Variants in EVC2 observed in about 807,000 individuals in gnomAD.
EVC2 encodes the protein EvC ciliary complex subunit 2, also known as limbin.
In EVC2, 148 loss-of-function variants were observed where a neutral mutation model predicts 149.3. That is an observed-to-expected ratio of 0.99 (90% confidence interval 0.87 to 1.14). The LOEUF is 1.14. Among genes scored for constraint, EVC2 ranks in the 50% most tolerant of loss-of-function variants. The probability of loss-of-function intolerance (pLI) is 0.00; values close to 1 mark genes in which losing one functional copy is unlikely to be tolerated. For missense variants in EVC2, 1,854 were observed against 1,627.3 expected (o/e 1.14, Z -2.40); for synonymous variants, 776 against 649.9 (o/e 1.19, Z -2.95).
chr4:5,652,233 C>A (rs889200337), intron 9 of EVC2, among the ~76,000 whole-genome samples: 6 of 152,044 alleles, frequency 3.9e-5, no homozygotes, highest in African/African-American at 1.2e-4. Flanking sequence ...GTGGAGAGCT[C>A]CAGGAGGGAG....
chr4:5,649,973 A>G (rs1717995132), intron 9 of EVC2, among the ~76,000 whole-genome samples: 1 of 152,218 alleles, frequency 6.6e-6, no homozygotes, highest in South Asian at 2.1e-4. Flanking sequence ...CACCTACATG[A>G]GCAAAACACC....
intron 10 of EVC2, among the ~76,000 whole-genome samples, chr4:5,634,524 C>T (rs1472377419): frequency 6.6e-6 from 1 of 152,160 alleles, no homozygotes; most frequent in African/African-American, 2.4e-5. Flanking sequence ...AAAAAGCAGA[C>T]ACACACACAA....
intron 5 of EVC2, among the ~76,000 whole-genome samples, chr4:5,687,666 G>C (rs1720817667): frequency 6.6e-6 from 1 of 152,188 alleles, no homozygotes; most frequent in African/African-American, 2.4e-5. Context: ...TATATTCAGA[G>C]TTGGGGAGAG....
chr4:5,624,819 T>G (rs550401412), intron 13 of EVC2, among the ~76,000 whole-genome samples: 1 of 152,254 alleles, frequency 6.6e-6, no homozygotes, highest in South Asian at 2.1e-4. Context: ...AACTTGGTAG[T>G]AAAGAGCAGA....
At chr4:5,624,589 C>G (rs1263505986) in intron 13 of EVC2, among the ~76,000 whole-genome samples, 2 of 152,216 alleles carry the variant, frequency 1.3e-5, no homozygotes, top group Non-Finnish European at 2.9e-5. Context: ...ATAATATTCA[C>G]AGAAGACTGC....
intron 1 of EVC2, among the ~76,000 whole-genome samples, chr4:5,705,211 A>G (rs1247862009): frequency 6.6e-6 from 1 of 152,230 alleles, no homozygotes; most frequent in Non-Finnish European, 1.5e-5. Context: ...ACGAAATGAT[A>G]CTATTAGCAT....
intron 16 of EVC2, among the ~76,000 whole-genome samples, chr4:5,605,567 A>C (rs1714328380): frequency 6.6e-6 from 1 of 152,230 alleles, no homozygotes. Context: ...TAAGTAAAAC[A>C]TGAACCACAT....
At chr4:5,533,376 G>T in the EVC2 span, among the ~76,000 whole-genome samples, 43 of 152,324 alleles carry the variant, frequency 2.8e-4, no homozygotes, top group African/African-American at 1.0e-3. Context: ...TCAAGGAACA[G>T]CAAGGGCAGA....
In EVC2 at chr4:5,622,883, C is replaced by T. The variant is rs1715817564; in HGVS notation, c.2155G>A (p.Ala719Thr). 2.5e-6 allele frequency: 4 copies of T among 1,614,052 alleles called. No homozygotes were observed. The highest frequency in any genetic ancestry group is 1.3e-5 in the African/African-American group (1 of 74,920). Residue 719 changes from alanine to threonine, a missense_variant, in exon 14 of 22, where the codon GCC becomes ACC. By Grantham distance (58) the Ala-to-Thr change is moderately conservative. Coordinates refer to ENST00000344408, the MANE Select transcript of EVC2 (RefSeq NM_147127.5). This position sits in a 1 kb window ranked among gnomAD's most constrained non-coding sequence, Gnocchi z 5.8. ...QKRSLMEEHG[A>T]TLEELQERLD... ...CGCTCCTGCAGCTCCTCCAGGGTGGCACCGTGCTCCTCCATCAGGCTCCTC... is the reference window on the plus strand; with the variant it reads ...CGCTCCTGCAGCTCCTCCAGGGTGGTACCGTGCTCCTCCATCAGGCTCCTC...
At chr4:5,608,337 G>T (rs922516601) in intron 16 of EVC2, among the ~76,000 whole-genome samples, 1 of 152,144 alleles carries the variant, frequency 6.6e-6, no homozygotes, top group Non-Finnish European at 1.5e-5. Context: ...TGGGCCTCTT[G>T]GGCAGTGTCA....
chr4:5,642,262 C>T (rs369885833), intron 9 of EVC2, among the ~76,000 whole-genome samples: 11 of 152,246 alleles, frequency 7.2e-5, no homozygotes, highest in South Asian at 2.1e-4. Flanking sequence ...GGTCATCATT[C>T]AATTAGAATT....
intron 6 of EVC2, among the ~76,000 whole-genome samples, chr4:5,682,011 C>G (rs1341382158): frequency 6.6e-6 from 1 of 152,154 alleles, no homozygotes; most frequent in Non-Finnish European, 1.5e-5. Flanking sequence ...AGGTATTAGC[C>G]TCTCTGTGCC....
chr4:5,594,019 G>C (rs566864558), intron 16 of EVC2, among the ~76,000 whole-genome samples: 2 of 152,184 alleles, frequency 1.3e-5, no homozygotes, highest in Non-Finnish European at 2.9e-5. Flanking sequence ...GGCTGGGGGA[G>C]GGGTGCCCGC....
intron 7 of EVC2, among the ~76,000 whole-genome samples, chr4:5,674,388 G>A (rs1038201074): frequency 1.3e-5 from 2 of 152,150 alleles, no homozygotes; most frequent in Non-Finnish European, 1.5e-5. Flanking sequence ...TGGACAAGAG[G>A]TTTTTAAAAT....
chr4:5,651,089 T>C (rs1454010422), intron 9 of EVC2, among the ~76,000 whole-genome samples: 1 of 151,886 alleles, frequency 6.6e-6, no homozygotes, highest in Non-Finnish European at 1.5e-5. Flanking sequence ...AAGGGCTAGA[T>C]GGAAGAATGG....
chr4:5,691,717 C>T (rs992996005), intron 3 of EVC2, among the ~76,000 whole-genome samples: 1 of 152,134 alleles, frequency 6.6e-6, no homozygotes, highest in African/African-American at 2.4e-5. Flanking sequence ...CACCATGGTG[C>T]GCTGGAACAA....
In EVC2 at chr4:5,663,229, G is replaced by T. The variant is rs1719023447; in HGVS notation, c.1023C>A (p.Ser341Arg). The T allele has an allele frequency of 6.2e-7, 1 of 1,614,146 alleles. No homozygotes were observed. ...LTRHRVWQYESKLEPLPFTSA... is the reference protein window; with the variant it reads ...LTRHRVWQYERKLEPLPFTSA... ...AGGTGAACGGCAAGGGTTCCAGCTT[G>T]CTCTCATACTGCCAAACCTTCAGGA... Residue 341 changes from serine to arginine, a missense_variant, in exon 9 of 22, where the codon AGC becomes AGA. Ser to Arg is a moderately radical substitution (Grantham distance 110, BLOSUM62 -1). Transcript: ENST00000344408.
chr4:5,673,141 C>G (rs989064750), intron 7 of EVC2, among the ~76,000 whole-genome samples: 1 of 152,164 alleles, frequency 6.6e-6, no homozygotes. Flanking sequence ...TATACTTTAC[C>G]ACACACACAG....
At chr4:5,542,849 C>A (rs1721540861) in exon 23 of EVC2, 34 of 302,308 alleles carry the variant, frequency 1.1e-4, no homozygotes, top group South Asian at 8.8e-4. Flanking sequence ...AGTGTGCCCA[C>A]AGCTGGGCTC....
Sources: gnomAD v4.1 joint callset for allele counts (sites outside exome capture counted in the v4.1 genomes callset) on GRCh38, gnomAD v4.1.1 for gene constraint, Gnocchi (gnomAD v3.1) non-coding constraint, MANE v1.5 for transcripts, NCBI Gene and HGNC (gene_info 2026-07-23, HGNC 2026-07-21) for gene names.